The following DYM variants were observed in gnomAD, a reference collection of about 807,000 sequenced individuals.
DYM encodes dymeclin, also known as dyggve-Melchior-Clausen syndrome protein.
Under a neutral mutation model 93.1 loss-of-function variants are expected in DYM, and 78 were observed. The ratio of observed to expected loss-of-function variants is 0.84; its 90% CI spans 0.70 to 1.01. The LOEUF (loss-of-function observed/expected upper bound fraction) is 1.01, where lower values mean the gene tolerates loss of function less well. Among genes scored for constraint, DYM ranks in the 50% least tolerant of loss-of-function variants. The pLI is 0.00. For missense variants in DYM, 789 were observed against 845.0 expected, an observed-to-expected ratio of 0.93 and a Z score of 0.82; for synonymous variants, 321 against 319.7, an observed-to-expected ratio of 1.00 and a Z score of -0.04.
chr18:49,095,324 C>A (rs901111638), intron 17 of DYM, among the ~76,000 whole-genome samples: 2 of 152,138 alleles, frequency 1.3e-5, no homozygotes, highest in Admixed American at 6.5e-5. Context: ...GGATAAACAG[C>A]CTTTTATTTC....
At chr18:49,060,786 A>G (rs947277769) in intron 17 of DYM, among the ~76,000 whole-genome samples, 4 of 146,492 alleles carry the variant, frequency 2.7e-5, no homozygotes, top group Admixed American at 2.0e-4. Context: ...GGAGAGGGAG[A>G]AGGAGGGAGA....
At position 49,129,021 on chromosome 18, in the gene DYM, C is replaced by T. The variant is rs144167836; in HGVS notation, c.1729-10095G>A. On this transcript the variant is annotated intron_variant, in intron 15 of 17. Coordinates refer to ENST00000675505, the MANE Select transcript of DYM (RefSeq NM_001353214.3). ...ACACATTGACTTCAGAGACCTATGA[C>T]GCTTGATGCCCTTTTTTCATTCTTT... 3.8e-4 allele frequency among the ~76,000 whole-genome samples: 58 copies of T among 151,950 alleles called. 1 individual carries two copies. The East Asian group carries it at 4.6e-3, about 12-fold the overall frequency.
intron 16 of DYM, among the ~76,000 whole-genome samples, chr18:49,105,950 T>C (rs1182246486): frequency 2.6e-5 from 4 of 152,170 alleles, no homozygotes; most frequent in African/African-American, 4.8e-5. Context: ...TGAGCTCAGT[T>C]CCTGGATATC....
chr18:49,156,549 T>G (rs1222834977), intron 15 of DYM, among the ~76,000 whole-genome samples: 1 of 151,770 alleles, frequency 6.6e-6, no homozygotes, highest in Non-Finnish European at 1.5e-5. Flanking sequence ...CTGGCCAACA[T>G]GATGAGACCC....
At chr18:49,059,751 C>T (rs1198433663) in intron 17 of DYM, among the ~76,000 whole-genome samples, 3 of 152,106 alleles carry the variant, frequency 2.0e-5, no homozygotes, top group Non-Finnish European at 4.4e-5. Context: ...TGGAAAATTA[C>T]CCATGCACAC....
At chr18:49,192,849 C>T (rs112532701) in intron 14 of DYM, among the ~76,000 whole-genome samples, 2,171 of 152,030 alleles carry the variant, frequency 0.014, 50 homozygotes, top group African/African-American at 0.049. Flanking sequence ...CATTGAAAAA[C>T]GACTAAACTC....
chr18:49,260,330 C>T (rs1472959441), intron 11 of DYM, among the ~76,000 whole-genome samples: 5 of 152,258 alleles, frequency 3.3e-5, no homozygotes, highest in South Asian at 2.1e-4. Flanking sequence ...TGTAGTGAAA[C>T]GAGATGTTGC....
chr18:49,221,830 A>G (rs1173382132), intron 13 of DYM, among the ~76,000 whole-genome samples: 1 of 152,102 alleles, frequency 6.6e-6, no homozygotes, highest in Non-Finnish European at 1.5e-5. Context: ...TGGGTGGAGC[A>G]CACCAGCATG....
intron 2 of DYM, among the ~76,000 whole-genome samples, chr18:49,404,708 T>A (rs1206652263): frequency 1.3e-5 from 2 of 152,188 alleles, no homozygotes; most frequent in African/African-American, 4.8e-5. Context: ...TGGCTTCTTA[T>A]ATGTCTCCCT....
intron 6 of DYM, among the ~76,000 whole-genome samples, chr18:49,339,967 T>C (rs1285402716): frequency 2.0e-5 from 3 of 151,690 alleles, no homozygotes; most frequent in Admixed American, 1.3e-4. Context: ...TTGTTTGTTT[T>C]TGAGACAGAG....
chr18:49,048,938 A>C (rs531473876), intron 17 of DYM, among the ~76,000 whole-genome samples: 2 of 152,324 alleles, frequency 1.3e-5, no homozygotes, highest in South Asian at 4.1e-4. Context: ...TCTTTCCTCT[A>C]ATCGGAAAGT....
chr18:49,337,183 T>C (rs1479656493), intron 6 of DYM, among the ~76,000 whole-genome samples: 2 of 152,174 alleles, frequency 1.3e-5, no homozygotes, highest in Non-Finnish European at 2.9e-5. Context: ...GTAATATGTA[T>C]TCATAAGCAC....
At chr18:49,210,641 A>C (rs1419415842) in intron 13 of DYM, among the ~76,000 whole-genome samples, 1 of 152,208 alleles carries the variant, frequency 6.6e-6, no homozygotes, top group Non-Finnish European at 1.5e-5. Context: ...CATTTGTCAA[A>C]AACCAAAGAA....
At chr18:49,429,080 A>G (rs1393642153) in intron 2 of DYM, among the ~76,000 whole-genome samples, 1 of 152,216 alleles carries the variant, frequency 6.6e-6, no homozygotes, top group East Asian at 1.9e-4. Context: ...GCCAGCTTCT[A>G]GAAGCTGCTC....
chr18:49,050,655 C>A (rs893656722), intron 17 of DYM, among the ~76,000 whole-genome samples: 5 of 151,992 alleles, frequency 3.3e-5, no homozygotes, highest in African/African-American at 7.3e-5. Flanking sequence ...GTAGGAAGCT[C>A]AGTGGAAATG....
chr18:49,357,365 TG>T (rs1179714964), intron 6 of DYM, among the ~76,000 whole-genome samples: 1 of 152,222 alleles, frequency 6.6e-6, no homozygotes, highest in African/African-American at 2.4e-5. Context: ...TAGGGACTAC[TG>T]AGATATAAAG....
chr18:49,312,330 G>A (rs568132498), intron 8 of DYM, among the ~76,000 whole-genome samples: 4 of 152,290 alleles, frequency 2.6e-5, no homozygotes, highest in Non-Finnish European at 4.4e-5. Context: ...CCTGTTTGGC[G>A]TGCTTTCCCC....
chr18:49,155,296 T>C (rs2086272193), intron 15 of DYM, among the ~76,000 whole-genome samples: 1 of 152,248 alleles, frequency 6.6e-6, no homozygotes, highest in Admixed American at 6.5e-5. Flanking sequence ...CTAGCCATGC[T>C]GATCTTTATC....
In DYM at chr18:49,234,620, G is replaced by T. The variant is rs116551723; in HGVS notation, c.1460+22390C>A. Among the ~76,000 whole-genome samples the T allele has an allele frequency of 3.1e-3, 474 of 152,238 alleles. 3 individuals are homozygous for T. The highest frequency in any genetic ancestry group is 0.011 in the African/African-American group (439 of 41,532). The stretch of plus-strand genomic sequence containing the variant: ...AAAAGAGTGTGAGTCTCCGAGGACT[G>T]TGTGATAGGCAGAATTTCCCCTGCT... On this transcript the variant is annotated intron_variant, in intron 13 of 17. Coordinates refer to ENST00000675505, the MANE Select transcript of DYM (RefSeq NM_001353214.3).
Sources: gnomAD v4.1 joint callset for allele counts (sites outside exome capture counted in the v4.1 genomes callset) on GRCh38, gnomAD v4.1.1 for gene constraint, MANE v1.5 for transcripts, NCBI Gene and HGNC (gene_info 2026-07-23, HGNC 2026-07-21) for gene names.